IFI16: variants seen among roughly 807,000 people sequenced by gnomAD.
IFI16 encodes the protein gamma-interferon-inducible protein 16.
In IFI16, 49 loss-of-function variants were observed where a neutral mutation model predicts 68.4. The observed-to-expected ratio is 0.72, with a 90% CI of 0.57 to 0.91. The LOEUF is 0.91. Among genes scored for constraint, IFI16 ranks in the 40% least tolerant of loss-of-function variants. IFI16 has a pLI of 0.00. For missense variants in IFI16, 878 were observed against 942.9 expected, an observed-to-expected ratio of 0.93 and a Z score of 0.90; for synonymous variants, 307 against 315.0, an observed-to-expected ratio of 0.97 and a Z score of 0.27.
intron 4 of IFI16, among the ~76,000 whole-genome samples, chr1:159,018,025 T>C (rs1174130691): frequency 1.3e-5 from 2 of 152,262 alleles, no homozygotes; most frequent in African/African-American, 4.8e-5. Flanking sequence ...CTTTTCACTA[T>C]ATGGTCTCCT....
chr1:159,033,865 T>C (rs958630848), intron 7 of IFI16, among the ~76,000 whole-genome samples: 3 of 152,230 alleles, frequency 2.0e-5, no homozygotes, highest in African/African-American at 7.2e-5. Context: ...ATCCTTTCAT[T>C]CGCCTCTCTA....
At chr1:159,006,742 A>G (rs138768149), upstream of IFI16, among the ~76,000 whole-genome samples, 1,582 of 151,562 alleles carry the variant, frequency 0.01, 28 homozygotes, top group African/African-American at 0.036. Context: ...GCATTTCAAT[A>G]TAGGGTGGTT....
intron 7 of IFI16, among the ~76,000 whole-genome samples, chr1:159,038,111 T>TCAAGTAAAA (rs1654427316): frequency 6.6e-6 from 1 of 152,176 alleles, no homozygotes; most frequent in Non-Finnish European, 1.5e-5. Flanking sequence ...CTAGTTTTAG[T>TCAAGTAAAA]CAAGTAAAAA....
Position 159,032,512 on chromosome 1 carries a change from G to A in IFI16, c.1162-12G>A, listed in dbSNP as rs762810896. On this transcript the variant is annotated splice_polypyrimidine_tract_variant and intron_variant, in intron 6 of 11. Transcript: ENST00000295809. ...TATTGAAAACCATTAAACAGAAAAT[G>A]AATACTTTCAGATAAAGAAAAAAAC... The A allele has an allele frequency of 2.6e-6, 4 of 1,542,354 alleles. No homozygotes were observed. Among genetic ancestry groups the A allele is most frequent in the East Asian group, 2.3e-5 (1 of 43,688 alleles).
chr1:159,054,890 T>C lies in IFI16; in HGVS notation c.2347T>C (p.Phe783Leu). ...TTCAAGTATGGAAACTTCACCAGAC[T>C]TTTTCTTCTAAAATCTGGATGTCAT... ...PDSSMETSPD[F>L]FF The change falls in exon 12 of 12, where the codon TTT becomes CTT. Residue 783 changes from phenylalanine to leucine, a missense_variant. Phe to Leu is a conservative substitution (Grantham distance 22). Transcript: ENST00000295809. 6.3e-7 allele frequency: 1 copy of C among 1,583,190 alleles called. No homozygotes were observed. The highest frequency in any genetic ancestry group is 8.7e-7 in the Non-Finnish European group (1 of 1,154,372).
intron 4 of IFI16, 66 bp downstream of exon 4, chr1:159,016,766 G>A (rs980511238): frequency 6.4e-6 from 9 of 1,400,028 alleles, no homozygotes; most frequent in Admixed American, 4.2e-5. Flanking sequence ...TGATTTCACC[G>A]GTTACTTAAA....
intron 6 of IFI16, among the ~76,000 whole-genome samples, chr1:159,027,569 T>C (rs1045163210): frequency 6.6e-6 from 1 of 152,050 alleles, no homozygotes; most frequent in East Asian, 1.9e-4. Context: ...GGATTCTCTC[T>C]TTCTCTATCT....
At chr1:159,045,745 T>C (rs1055349872) in intron 8 of IFI16, among the ~76,000 whole-genome samples, 10 of 151,278 alleles carry the variant, frequency 6.6e-5, no homozygotes, top group African/African-American at 2.4e-4. Context: ...ACGAAAATAA[T>C]ACTTTAAGGT....
In IFI16 at chr1:159,018,210, C is replaced by T. The variant is rs761697929; in HGVS notation, c.550-19C>T. ...TCAATTAGACATTTTTCTTTGTTCT[C>T]CTGTGCTATCATACACAGAACCCGA... On this transcript the variant is annotated intron_variant, in intron 4 of 11. Coordinates refer to ENST00000295809, the MANE Select transcript of IFI16 (RefSeq NM_001376587.1). The T allele has an allele frequency of 1.2e-6, 2 of 1,600,612 alleles. No homozygotes were observed.
chr1:159,005,488 T>C (rs917503809), upstream of IFI16, among the ~76,000 whole-genome samples: 1 of 152,230 alleles, frequency 6.6e-6, no homozygotes, highest in Non-Finnish European at 1.5e-5. Flanking sequence ...ACACTGAGTC[T>C]CTTTTATTCC....
chr1:159,023,041 G>GATATA (rs1182247862), intron 6 of IFI16, among the ~76,000 whole-genome samples: 1 of 152,162 alleles, frequency 6.6e-6, no homozygotes, highest in African/African-American at 2.4e-5. Flanking sequence ...AATTTCAAAG[G>GATATA]CAGGGAATAA....
At chr1:159,019,557 C>T (rs572153493) in intron 5 of IFI16, among the ~76,000 whole-genome samples, 1 of 151,388 alleles carries the variant, frequency 6.6e-6, no homozygotes, top group Admixed American at 6.6e-5. Context: ...CTCCTGGGTT[C>T]AGGCGATTCT....
At chr1:159,024,151 G>C (rs1421846159) in intron 6 of IFI16, among the ~76,000 whole-genome samples, 2 of 152,160 alleles carry the variant, frequency 1.3e-5, no homozygotes, top group Non-Finnish European at 2.9e-5. Flanking sequence ...CCAGGCATTT[G>C]CATCTTGATA....
intron 1 of IFI16, among the ~76,000 whole-genome samples, 151 bp downstream of exon 1, chr1:159,010,312 A>G (rs1374567803): frequency 6.6e-6 from 1 of 152,194 alleles, no homozygotes; most frequent in African/African-American, 2.4e-5. Flanking sequence ...GAGTTGCTTG[A>G]TATGAATCCT....
intron 2 of IFI16, chr1:159,015,583 G>C: frequency 4.2e-6 from 1 of 237,296 alleles, no homozygotes; most frequent in South Asian, 1.0e-4. Flanking sequence ...ATTGGGAAAG[G>C]GTTAACTGAA....
chr1:159,006,732 G>A (rs76374586), upstream of IFI16, among the ~76,000 whole-genome samples: 1,328 of 152,272 alleles, frequency 8.7e-3, 20 homozygotes, highest in African/African-American at 0.03. Flanking sequence ...ACAAGGTTAG[G>A]CATTTCAATA....
chr1:159,052,744 GGGGCAATAA>G (rs1351901545), intron 10 of IFI16: 1 of 151,776 alleles, frequency 6.6e-6, no homozygotes, highest in East Asian at 1.9e-4. Context: ...ATTTATAAAT[GGGGCAATAA>G]AATGCAAAAA....
chr1:159,041,327 G>A (rs968065644), intron 7 of IFI16, among the ~76,000 whole-genome samples: 5 of 152,190 alleles, frequency 3.3e-5, no homozygotes, highest in Non-Finnish European at 7.3e-5. Flanking sequence ...GAACCCCTGT[G>A]ATTACGATTG....
intron 1 of IFI16, among the ~76,000 whole-genome samples, chr1:159,011,134 T>C (rs1652527884): frequency 6.8e-6 from 1 of 147,422 alleles, no homozygotes. Flanking sequence ...GTAATCCCAG[T>C]ACTTTGGGGG....
Sources: gnomAD v4.1 joint callset for allele counts (sites outside exome capture counted in the v4.1 genomes callset) on GRCh38, gnomAD v4.1.1 for gene constraint, MANE v1.5 for transcripts, NCBI Gene and HGNC (gene_info 2026-07-23, HGNC 2026-07-21) for gene names.